TTLL5: variants seen among roughly 807,000 people sequenced by gnomAD.
TTLL5 encodes tubulin tyrosine ligase like 5, also known as tubulin polyglutamylase TTLL5.
TTLL5 carries 132 observed loss-of-function variants against 168.4 expected under a neutral mutation model. The observed-to-expected ratio is 0.78, with a 90% CI of 0.68 to 0.91. The LOEUF is 0.91. TTLL5 is among the 40% of genes least tolerant of loss of function. The pLI is 0.00. For synonymous variants in TTLL5, 546 were observed against 558.6 expected (o/e 0.98, Z 0.32); for missense variants, 1,545 against 1,581.5 (o/e 0.98, Z 0.39).
At chr14:75,907,534 T>C (rs985116616) in intron 31 of TTLL5, among the ~76,000 whole-genome samples, 3 of 152,242 alleles carry the variant, frequency 2.0e-5, no homozygotes, top group Non-Finnish European at 4.4e-5. Context: ...TTCATCAGAA[T>C]ACCCCAGGAG....
At chr14:75,845,344 C>T (rs776198688) in intron 28 of TTLL5, among the ~76,000 whole-genome samples, 7 of 152,048 alleles carry the variant, frequency 4.6e-5, no homozygotes, top group African/African-American at 1.2e-4. Context: ...TGAGACATAC[C>T]GAAGGACTCC....
chr14:75,851,593 G>A (rs1346047833), intron 28 of TTLL5, among the ~76,000 whole-genome samples: 1 of 152,146 alleles, frequency 6.6e-6, no homozygotes, highest in Non-Finnish European at 1.5e-5. Flanking sequence ...CAGAATTAGA[G>A]CATTCTGCAG....
chr14:75,914,033 A>AAAATATATAT, intron 31 of TTLL5, among the ~76,000 whole-genome samples: 1 of 71,118 alleles, frequency 1.4e-5, no homozygotes, highest in Non-Finnish European at 2.1e-5. Flanking sequence ...AAAAAAAAAA[A>AAAATATATAT]ATATATATAT....
chr14:75,697,234 T>C (rs1393572700), intron 6 of TTLL5, among the ~76,000 whole-genome samples: 1 of 152,252 alleles, frequency 6.6e-6, no homozygotes, highest in Non-Finnish European at 1.5e-5. Context: ...ATTTATTCTC[T>C]GGCTTTTTAC....
intron 31 of TTLL5, among the ~76,000 whole-genome samples, chr14:75,946,004 T>C (rs2140207268): frequency 6.6e-6 from 1 of 152,206 alleles, no homozygotes; most frequent in East Asian, 1.9e-4. Context: ...ATATCTTTCA[T>C]GAATGAGGAT....
chr14:75,745,250 G>A, intron 16 of TTLL5, 42 bp downstream of exon 16: 2 of 1,580,754 alleles, frequency 1.3e-6, no homozygotes, highest in Non-Finnish European at 1.7e-6. Flanking sequence ...GTTAACACAG[G>A]GTTTAGTGAA....
rs995656773 is a variant in TTLL5, at chr14:75,817,968, G to A, written c.3172-2039G>A. 2.0e-5 allele frequency among the ~76,000 whole-genome samples: 3 copies of A among 150,622 alleles called. No individual in the cohort carries two copies. The Admixed American group carries it at 2.0e-4, about 10-fold the overall frequency. On this transcript the variant is annotated intron_variant, in intron 27 of 31. Coordinates refer to ENST00000298832, the MANE Select transcript of TTLL5 (RefSeq NM_015072.5). Reference sequence around the variant, plus strand: ...TTCTCCTGCCTCAGCCTCCCGAGTAGCTGGGACTACAGGTGCCCGCCACCA... The same window carrying A: ...TTCTCCTGCCTCAGCCTCCCGAGTAACTGGGACTACAGGTGCCCGCCACCA...
intron 27 of TTLL5, among the ~76,000 whole-genome samples, chr14:75,817,870 C>T (rs1894549015): frequency 7.8e-6 from 1 of 128,044 alleles, no homozygotes; most frequent in Non-Finnish European, 1.6e-5. Flanking sequence ...CGGAGTCTCA[C>T]TCTGTCGCCC....
intron 7 of TTLL5, 87 bp from the exon 8 acceptor site, chr14:75,706,931 C>G: frequency 8.5e-7 from 1 of 1,179,776 alleles, no homozygotes; most frequent in African/African-American, 1.5e-5. Flanking sequence ...CTTACCATTT[C>G]TTTAAAGGTT....
intron 21 of TTLL5, among the ~76,000 whole-genome samples, chr14:75,774,423 A>G (rs1352419774): frequency 6.6e-6 from 1 of 152,140 alleles, no homozygotes; most frequent in Non-Finnish European, 1.5e-5. Context: ...CTTTCAAACT[A>G]CTGTGATAGT....
intron 21 of TTLL5, 106 bp downstream of exon 21, chr14:75,771,960 A>C (rs1362694556): frequency 1.5e-6 from 2 of 1,300,466 alleles, no homozygotes; most frequent in African/African-American, 1.5e-5. Context: ...TTTTCTGGTG[A>C]AAGGATTATT....
At chr14:75,937,464 C>T (rs1416308752) in intron 31 of TTLL5, among the ~76,000 whole-genome samples, 2 of 152,020 alleles carry the variant, frequency 1.3e-5, no homozygotes, top group African/African-American at 4.8e-5. Context: ...CGTTCACCTC[C>T]AGAATTTTTT....
At position 75,734,035 on chromosome 14, in the gene TTLL5, A is replaced by G. The variant is rs768723202; in HGVS notation, c.1171A>G (p.Met391Val). The G allele has an allele frequency of 1.2e-6, 2 of 1,614,024 alleles. No homozygotes were observed. Among genetic ancestry groups the G allele is most frequent in the Admixed American group, 1.7e-5 (1 of 60,006 alleles). ...LKIKASMISD[M>V]FTVVGFVCQD... ...GATTAAAGCCAGTATGATTTCAGAT[A>G]TGTTCACTGTTGTAGGTGAGTAGTA... Residue 391 changes from methionine to valine, a missense_variant, in exon 14 of 32, where the codon ATG (methionine) becomes GTG (valine). Coordinates refer to ENST00000298832, the MANE Select transcript of TTLL5 (RefSeq NM_015072.5).
chr14:75,762,395 A>AAAAT (rs758956557), intron 18 of TTLL5, among the ~76,000 whole-genome samples: 17 of 152,298 alleles, frequency 1.1e-4, no homozygotes, highest in East Asian at 3.9e-4. Flanking sequence ...ACTCCGTCTC[A>AAAAT]AAATAAATAA....
At chr14:75,899,885 A>G (rs898540481) in intron 30 of TTLL5, among the ~76,000 whole-genome samples, 8 of 151,348 alleles carry the variant, frequency 5.3e-5, no homozygotes, top group Non-Finnish European at 7.4e-5. Context: ...GCAGTTTTCT[A>G]TTATTCACTA....
chr14:75,677,376 T>C (rs770278833), intron 3 of TTLL5, among the ~76,000 whole-genome samples: 1 of 147,824 alleles, frequency 6.8e-6, no homozygotes, highest in African/African-American at 2.5e-5. Flanking sequence ...GAGATTCTCT[T>C]TCTCTCTCTC....
chr14:75,752,928 T>C lies in TTLL5; in HGVS notation c.1523T>C (p.Met508Thr), dbSNP rs1890036690. The C allele has an allele frequency of 1.9e-6, 3 of 1,613,592 alleles. No homozygotes were observed. Among genetic ancestry groups the C allele is most frequent in the Non-Finnish European group, 2.5e-6 (3 of 1,179,720 alleles). The stretch of plus-strand genomic sequence containing the variant: ...GAGCATAAGACCTCAATGAACTATA[T>C]GCTGGCAACACGCCTCTTCCAGGAC... Reference protein sequence around the residue: ...YLEHKTSMNYMLATRLFQDRM... With the variant: ...YLEHKTSMNYTLATRLFQDRM... Residue 508 changes from methionine to threonine, a missense_variant, in exon 18 of 32, where the codon ATG becomes ACG. By Grantham distance (81) the Met-to-Thr change is moderately conservative. Coordinates refer to ENST00000298832, the MANE Select transcript of TTLL5 (RefSeq NM_015072.5).
intron 28 of TTLL5, among the ~76,000 whole-genome samples, chr14:75,827,323 A>G (rs956736893): frequency 3.3e-5 from 5 of 152,250 alleles, no homozygotes; most frequent in African/African-American, 4.8e-5. Context: ...TCACAATACT[A>G]AGGTTGACAT....
At chr14:75,935,597 T>G (rs1054353693) in intron 31 of TTLL5, among the ~76,000 whole-genome samples, 2 of 152,252 alleles carry the variant, frequency 1.3e-5, no homozygotes, top group Non-Finnish European at 2.9e-5. Flanking sequence ...ATTTGGATAT[T>G]TCTATGGATT....
Sources: allele counts gnomAD v4.1 joint callset (sites outside exome capture counted in the v4.1 genomes callset), GRCh38; gene constraint gnomAD v4.1.1; transcripts MANE v1.5; gene names NCBI Gene and HGNC (gene_info 2026-07-23, HGNC 2026-07-21).